ITPR2: variants seen among roughly 807,000 people sequenced by gnomAD.
ITPR2 encodes inositol 1,4,5-trisphosphate-gated calcium channel ITPR2.
ITPR2 carries 207 observed loss-of-function variants against 317.1 expected under a neutral mutation model. That is an observed-to-expected ratio of 0.65 (90% confidence interval 0.58 to 0.73). The LOEUF is 0.73. Ranked by LOEUF, ITPR2 falls within the 30% of genes least tolerant of loss-of-function variation. The pLI is 0.00. For synonymous variants in ITPR2, 1,156 were observed against 1,149.1 expected (o/e 1.01, Z -0.12); for missense variants, 2,613 against 3,284.0 (o/e 0.80, Z 4.99).
chr12:26,576,998 CTCTT>C (rs1487480279), intron 34 of ITPR2, among the ~76,000 whole-genome samples: 3 of 152,208 alleles, frequency 2.0e-5, no homozygotes, highest in African/African-American at 7.2e-5. Context: ...CTCTCTCTCT[CTCTT>C]TTCCTCTCTT....
chr12:26,755,123 T>G (rs1949496942), intron 2 of ITPR2, among the ~76,000 whole-genome samples: 1 of 152,202 alleles, frequency 6.6e-6, no homozygotes, highest in Admixed American at 6.5e-5. Flanking sequence ...TATGACTTAG[T>G]GTATGTTTTT....
intron 9 of ITPR2, among the ~76,000 whole-genome samples, chr12:26,697,069 C>T (rs1374564023): frequency 6.6e-6 from 1 of 152,180 alleles, no homozygotes; most frequent in Non-Finnish European, 1.5e-5. Context: ...GGGTAGGACA[C>T]AGAAGCAACT....
chr12:26,776,959 T>G (rs1949984749), intron 2 of ITPR2, among the ~76,000 whole-genome samples: 1 of 152,106 alleles, frequency 6.6e-6, no homozygotes, highest in Admixed American at 6.6e-5. Context: ...GTTTTCTAAT[T>G]TATATTAGCA....
intron 10 of ITPR2, among the ~76,000 whole-genome samples, chr12:26,693,542 A>G (rs144825698): frequency 2.3e-3 from 355 of 152,340 alleles, no homozygotes; most frequent in African/African-American, 8.2e-3. Flanking sequence ...ATCCTCCTAT[A>G]TACTTTAAAT....
At chr12:26,655,151 T>TA (rs903021982) in intron 20 of ITPR2, among the ~76,000 whole-genome samples, 5 of 151,920 alleles carry the variant, frequency 3.3e-5, no homozygotes, top group Admixed American at 6.6e-5. Context: ...TCCATAGAGA[T>TA]AAAAAAAAGT....
intron 2 of ITPR2, among the ~76,000 whole-genome samples, chr12:26,772,957 A>G (rs1022735425): frequency 1.3e-5 from 2 of 151,312 alleles, no homozygotes; most frequent in Non-Finnish European, 3.0e-5. Context: ...CCGTGTGTCC[A>G]TGTGTTCTCA....
intron 2 of ITPR2, among the ~76,000 whole-genome samples, chr12:26,747,864 C>A (rs1174871692): frequency 6.6e-6 from 1 of 152,192 alleles, no homozygotes; most frequent in Non-Finnish European, 1.5e-5. Flanking sequence ...TCATTATTCT[C>A]CAACAGATTT....
At chr12:26,809,096 C>T (rs1463824293) in intron 1 of ITPR2, among the ~76,000 whole-genome samples, 2 of 152,184 alleles carry the variant, frequency 1.3e-5, no homozygotes, top group Non-Finnish European at 2.9e-5. Flanking sequence ...GGAAAGGCAT[C>T]TCCTCTCATC....
chr12:26,733,764 T>A lies in ITPR2; in HGVS notation c.164-7999A>T, dbSNP rs147588896. Among the ~76,000 whole-genome samples the A allele has an allele frequency of 2.0e-5, 3 of 152,350 alleles. No homozygotes were observed. The East Asian group carries it at 5.8e-4, about 29-fold the overall frequency. On this transcript the variant is annotated intron_variant, in intron 2 of 56. Transcript: ENST00000381340. ...ATTGAGCAAGCCACTACACTAGATGTAAGTGAAATCTGCTACCAGAAAAAT... is the reference window on the plus strand; with the variant it reads ...ATTGAGCAAGCCACTACACTAGATGAAAGTGAAATCTGCTACCAGAAAAAT...
At chr12:26,750,521 T>C (rs17402857) in intron 2 of ITPR2, among the ~76,000 whole-genome samples, 24,565 of 152,164 alleles carry the variant, frequency 0.16, 2,748 homozygotes, top group Non-Finnish European at 0.24. Context: ...GATGGTGACT[T>C]GTTAAGAAGT....
intron 42 of ITPR2, 108 bp from the exon 43 acceptor site, chr12:26,481,349 AT>A: frequency 3.2e-6 from 2 of 633,604 alleles, no homozygotes; most frequent in Non-Finnish European, 5.5e-6. Flanking sequence ...CCTTTAAAAA[AT>A]AGGTAAGATT....
chr12:26,468,289 T>C (rs1394547141), intron 45 of ITPR2, among the ~76,000 whole-genome samples: 1 of 152,096 alleles, frequency 6.6e-6, no homozygotes, highest in African/African-American at 2.4e-5. Context: ...GAAAAGTGCC[T>C]AGCAAGAAAG....
chr12:26,718,146 C>T (rs1948773366), intron 5 of ITPR2, among the ~76,000 whole-genome samples: 1 of 152,138 alleles, frequency 6.6e-6, no homozygotes, highest in African/African-American at 2.4e-5. Context: ...CATAGGTATA[C>T]ATGTGCCCTG....
At chr12:26,772,559 T>TATAC (rs1949888460) in intron 2 of ITPR2, among the ~76,000 whole-genome samples, 2 of 136,590 alleles carry the variant, frequency 1.5e-5, no homozygotes, top group Non-Finnish European at 1.6e-5. Flanking sequence ...ATAATACATG[T>TATAC]ATTATATATA....
chr12:26,443,014 C>T (rs1444138733), intron 46 of ITPR2, among the ~76,000 whole-genome samples: 3 of 152,190 alleles, frequency 2.0e-5, no homozygotes, highest in Non-Finnish European at 4.4e-5. Flanking sequence ...TCCTGGACTG[C>T]CACCAACCAT....
intron 37 of ITPR2, among the ~76,000 whole-genome samples, chr12:26,513,458 C>A (rs929232155): frequency 6.6e-6 from 1 of 151,980 alleles, no homozygotes; most frequent in Non-Finnish European, 1.5e-5. Flanking sequence ...ATAATATAGG[C>A]CAGTTTGGGT....
intron 2 of ITPR2, among the ~76,000 whole-genome samples, chr12:26,739,794 A>G (rs1262797031): frequency 3.3e-5 from 5 of 152,268 alleles, no homozygotes; most frequent in Non-Finnish European, 5.9e-5. Flanking sequence ...TATATAAGTT[A>G]CTATTCAATC....
At chr12:26,453,926 G>A (rs751072524) in intron 45 of ITPR2, among the ~76,000 whole-genome samples, 2 of 152,110 alleles carry the variant, frequency 1.3e-5, no homozygotes, top group Non-Finnish European at 2.9e-5. Context: ...CAGGGATTTT[G>A]TTTTGTTTAC....
chr12:26,715,828 G>A lies in ITPR2; in HGVS notation c.632C>T (p.Ala211Val), dbSNP rs1186332516. 6.2e-7 allele frequency: 1 copy of A among 1,602,026 alleles called. No homozygotes were observed. Among genetic ancestry groups the A allele is most frequent in the Admixed American group, 1.7e-5 (1 of 59,912 alleles). ...TTTCCAGCTGGTGTTGCAATTGACAGCATTCACCTATTAATGAAGAAACGT... is the reference window on the plus strand; with the variant it reads ...TTTCCAGCTGGTGTTGCAATTGACAACATTCACCTATTAATGAAGAAACGT... The part of the protein sequence containing the change: ...LDNPGCKEVN[A>V]VNCNTSWKIT... The change falls in exon 7 of 57, where the codon GCT (alanine) becomes GTT (valine). Residue 211 changes from alanine to valine, a missense_variant. By Grantham distance (64) the Ala-to-Val change is moderately conservative. Transcript: ENST00000381340.
Sources: gnomAD v4.1 joint callset for allele counts (sites outside exome capture counted in the v4.1 genomes callset) on GRCh38, gnomAD v4.1.1 for gene constraint, MANE v1.5 for transcripts, NCBI Gene and HGNC (gene_info 2026-07-23, HGNC 2026-07-21) for gene names.